EVC2: variants seen among roughly 807,000 people sequenced by gnomAD.
EVC2 encodes the protein EvC ciliary complex subunit 2.
A neutral mutation model predicts 149.3 loss-of-function variants in EVC2; 148 were observed. The ratio of observed to expected loss-of-function variants is 0.99; its 90% confidence interval spans 0.87 to 1.14. EVC2 has a LOEUF of 1.14. EVC2 is among the 50% of genes most tolerant of loss of function. The pLI is 0.00. For missense variants in EVC2, 1,854 were observed against 1,627.3 expected (o/e 1.14, Z -2.40); for synonymous variants, 776 against 649.9 (o/e 1.19, Z -2.95).
intron 2 of EVC2, among the ~76,000 whole-genome samples, chr4:5,695,266 T>G (rs559869025): frequency 6.6e-6 from 1 of 151,190 alleles, no homozygotes; most frequent in Admixed American, 6.6e-5. Context: ...GGGAATCGCT[T>G]GAACCTGGGA....
chr4:5,592,253 T>A (rs1430554007), intron 16 of EVC2, among the ~76,000 whole-genome samples: 1 of 152,184 alleles, frequency 6.6e-6, no homozygotes, highest in Non-Finnish European at 1.5e-5. Flanking sequence ...AAGAGGGGCT[T>A]CCTACAGGAA....
At chr4:5,626,796 TC>T (rs1448895898) in intron 12 of EVC2, among the ~76,000 whole-genome samples, 1 of 152,050 alleles carries the variant, frequency 6.6e-6, no homozygotes, top group Non-Finnish European at 1.5e-5. Context: ...GAGGAATTTG[TC>T]CCTTTTTTTT....
At chr4:5,683,905 C>T (rs959553160) in intron 6 of EVC2, among the ~76,000 whole-genome samples, 3 of 150,690 alleles carry the variant, frequency 2.0e-5, no homozygotes, top group Non-Finnish European at 4.4e-5. Flanking sequence ...CACGGGAACA[C>T]ACACAGCTGC....
rs886562431 is a variant in EVC2, at chr4:5,571,678, C to T, written c.3360+3007G>A. ...TCTTTTCTCTAGTACAAAAAGAAAA[C>T]GGCAAAATATGGGGCTTCCTCCAGT... On this transcript the variant is annotated intron_variant, in intron 19 of 21. Coordinates refer to ENST00000344408, the MANE Select transcript of EVC2 (RefSeq NM_147127.5). 8.5e-5 allele frequency among the ~76,000 whole-genome samples: 13 copies of T among 152,084 alleles called. 1 individual carries two copies. The highest frequency in any genetic ancestry group is 6.2e-4 in the South Asian group (3 of 4,828).
chr4:5,624,871 C>T (rs922474376), intron 13 of EVC2, among the ~76,000 whole-genome samples: 1 of 152,174 alleles, frequency 6.6e-6, no homozygotes. Context: ...TCATCCCCTC[C>T]CTGCAAATGG....
At chr4:5,708,171 C>A in intron 1 of EVC2, 115 bp downstream of exon 1, 1 of 941,374 alleles carries the variant, frequency 1.1e-6, no homozygotes, top group African/African-American at 1.8e-5. Flanking sequence ...TATTCAGATC[C>A]TGCCCTCCCT....
At chr4:5,658,867 C>G (rs1009218244) in intron 9 of EVC2, among the ~76,000 whole-genome samples, 5 of 152,176 alleles carry the variant, frequency 3.3e-5, no homozygotes, top group Admixed American at 6.5e-5. Context: ...AAGGCTGGAG[C>G]TAAAACATGC....
At chr4:5,658,537 T>C (rs4688945) in intron 9 of EVC2, among the ~76,000 whole-genome samples, 118,646 of 152,246 alleles carry the variant, frequency 0.78, 46,668 homozygotes, top group African/African-American at 0.88. Context: ...AGTTTAGAGG[T>C]AATGTTGGTA....
chr4:5,681,389 C>T (rs1420701384), intron 6 of EVC2, 76 bp from the exon 7 acceptor site: 2 of 1,456,886 alleles, frequency 1.4e-6, no homozygotes, highest in African/African-American at 1.4e-5. Context: ...GGTGCGATTT[C>T]CAACCCTCCA....
chr4:5,641,064 A>G (rs1717295421), intron 9 of EVC2, among the ~76,000 whole-genome samples: 1 of 152,232 alleles, frequency 6.6e-6, no homozygotes, highest in South Asian at 2.1e-4. Context: ...AAAAGAATAT[A>G]ATCAATATAA....
intron 21 of EVC2, among the ~76,000 whole-genome samples, chr4:5,547,736 G>C (rs1015449112): frequency 1.3e-5 from 2 of 152,190 alleles, no homozygotes; most frequent in African/African-American, 4.8e-5. Context: ...CTTGGACGCA[G>C]GATAAGAACT....
At chr4:5,664,857 T>C (rs1029273487) in intron 8 of EVC2, among the ~76,000 whole-genome samples, 1 of 152,100 alleles carries the variant, frequency 6.6e-6, no homozygotes, top group African/African-American at 2.4e-5. Flanking sequence ...TGAATGGGAA[T>C]TCTAGTCTCA....
At chr4:5,552,557 C>T (rs552605798) in intron 21 of EVC2, among the ~76,000 whole-genome samples, 178 of 152,318 alleles carry the variant, frequency 1.2e-3, no homozygotes, top group African/African-American at 4.1e-3. Flanking sequence ...AATCTACACT[C>T]CCAACTTAAA....
intron 9 of EVC2, among the ~76,000 whole-genome samples, chr4:5,651,926 A>T (rs1718171124): frequency 6.6e-6 from 1 of 152,226 alleles, no homozygotes; most frequent in Admixed American, 6.5e-5. Context: ...AACCTTGCAT[A>T]TATCTGATGA....
intron 16 of EVC2, among the ~76,000 whole-genome samples, chr4:5,590,427 G>A (rs1043108213): frequency 8.5e-5 from 13 of 152,074 alleles, no homozygotes; most frequent in African/African-American, 3.1e-4. Flanking sequence ...GCCATAATGG[G>A]ATGGGAGGTT....
At chr4:5,685,877 C>T (rs1387913024) in intron 5 of EVC2, among the ~76,000 whole-genome samples, 1 of 152,138 alleles carries the variant, frequency 6.6e-6, no homozygotes, top group East Asian at 1.9e-4. Flanking sequence ...TGGAGGCCTT[C>T]GCCTGATGTG....
chr4:5,538,629 C>G (rs1190389371), downstream of EVC2, among the ~76,000 whole-genome samples: 1 of 151,978 alleles, frequency 6.6e-6, no homozygotes, highest in African/African-American at 2.4e-5. Context: ...ATATCATGAC[C>G]AAGTTGAGTT....
At chr4:5,659,998 C>T (rs1021880983) in intron 9 of EVC2, among the ~76,000 whole-genome samples, 5 of 152,208 alleles carry the variant, frequency 3.3e-5, no homozygotes, top group African/African-American at 1.2e-4. Flanking sequence ...TAATTAGCTG[C>T]TCACATCACT....
Position 5,657,160 on chromosome 4 carries a change from C to T in EVC2, c.1145+5947G>A, listed in dbSNP as rs1718576838. Among the ~76,000 whole-genome samples, 1 of 152,190 alleles carries T rather than the reference C, an allele frequency of 6.6e-6. No homozygotes were observed. On this transcript the variant is annotated intron_variant, in intron 9 of 21. Coordinates refer to ENST00000344408, the MANE Select transcript of EVC2 (RefSeq NM_147127.5). This position sits in a 1 kb window ranked among gnomAD's most constrained non-coding sequence, Gnocchi z 4.7. ...GCCCACCAGCCTCACACGGGCACTC[C>T]ATGTTGCTCAGCAAGTCTGGGTTTC...
Sources: allele counts gnomAD v4.1 joint callset (sites outside exome capture counted in the v4.1 genomes callset), GRCh38; gene constraint gnomAD v4.1.1; non-coding constraint Gnocchi (gnomAD v3.1); transcripts MANE v1.5; gene names NCBI Gene and HGNC (gene_info 2026-07-23, HGNC 2026-07-21).